The following HSD17B1 variants were observed in gnomAD, a reference collection of about 807,000 sequenced individuals.
HSD17B1 encodes hydroxysteroid 17-beta dehydrogenase 1.
In HSD17B1, 16 loss-of-function variants were observed where a neutral mutation model predicts 22.7. The ratio of observed to expected loss-of-function variants is 0.71; its 90% CI spans 0.48 to 1.07. The LOEUF (loss-of-function observed/expected upper bound fraction) is 1.07, where lower values mean the gene tolerates loss of function less well. HSD17B1 is among the 50% of genes least tolerant of loss of function. The pLI is 0.00. For synonymous variants in HSD17B1, 243 were observed against 211.0 expected (o/e 1.15, Z -1.31); for missense variants, 533 against 459.9 (o/e 1.16, Z -1.45).
rs200100050 is a variant in HSD17B1, at chr17:42,553,749, A to T, written c.446-45A>T. Reference sequence around the variant, plus strand: ...GAGGGGCACCGTCTGCCCGGGGATGACCCCCTGGCCGCTGCGCCTCAGGAA... The same window carrying T: ...GAGGGGCACCGTCTGCCCGGGGATGTCCCCCTGGCCGCTGCGCCTCAGGAA... On this transcript the variant is annotated intron_variant, in intron 3 of 5. Transcript: ENST00000585807. 267 of 1,601,684 alleles carry T rather than the reference A, an allele frequency of 1.7e-4. 1 individual carries two copies. The East Asian group carries it at 5.4e-3, about 32-fold the overall frequency.
chr17:42,553,184 T>C lies in HSD17B1; in HGVS notation c.158T>C (p.Leu53Pro). 1 of 1,613,698 alleles carries C rather than the reference T, an allele frequency of 6.2e-7. No homozygotes were observed. The highest frequency in any genetic ancestry group is 8.5e-7 in the Non-Finnish European group (1 of 1,179,962). ...QGRLWEAARA[L>P]ACPPGSLETL... ...CGGCTGTGGGAGGCGGCCCGGGCCC[T>C]GGCATGCCCTCCGGGATCCCTGGAG... The change falls in exon 2 of 6, where the codon CTG (leucine) becomes CCG (proline). Residue 53 changes from leucine (L) to proline (P), a missense_variant. Physicochemically the swap from Leu to Pro is moderately conservative, Grantham distance 98. Transcript: ENST00000585807.
In HSD17B1 at chr17:42,554,839, C is replaced by G; in HGVS notation, c.888C>G (p.Ala296=). The G allele has an allele frequency of 1.3e-6, 2 of 1,593,342 alleles. No homozygotes were observed. The highest frequency in any genetic ancestry group is 1.7e-5 in the Admixed American group (1 of 59,072). ...TTCCGGCAAAGGCCGAGGCTGGGGC[C>G]GAGGCTGGGGGCGGGGCCGGGCCTG... ...GDVPAKAEAG[A]EAGGGAGPGA... Residue 296 remains alanine, a synonymous_variant, in exon 6 of 6, where the codon GCC becomes GCG. Coordinates refer to ENST00000585807, the MANE Select transcript of HSD17B1 (RefSeq NM_000413.4).
intron 3 of HSD17B1, 23 bp downstream of exon 3, chr17:42,553,641 G>A (rs1188906901): frequency 1.9e-6 from 3 of 1,598,718 alleles, no homozygotes; most frequent in Admixed American, 1.7e-5. Flanking sequence ...GAGTGGCCTC[G>A]GCAGCTCCAG....
rs570540113 is a variant in HSD17B1 at position 42,554,508 on chromosome 17, C to A, written c.643C>A (p.Arg215Ser). 153 of 1,614,006 alleles carry A rather than the reference C, an allele frequency of 9.5e-5. 2 individuals are homozygous for A. Among genetic ancestry groups the A allele is most frequent in the South Asian group, 4.9e-4 (45 of 91,072 alleles). ...CCGCACGGACATCCACACCTTCCAC[C>A]GCTTCTACCAATACCTCGCCCACAG... is the stretch of plus-strand genomic sequence containing the variant. ...LDRTDIHTFHRFYQYLAHSKQ... is the reference protein window; with the variant it reads ...LDRTDIHTFHSFYQYLAHSKQ... The change falls in exon 5 of 6, where the codon CGC becomes AGC. Residue 215 changes from arginine (R) to serine (S), a missense_variant. Coordinates refer to ENST00000585807, the MANE Select transcript of HSD17B1 (RefSeq NM_000413.4).
rs753438269 is a variant in HSD17B1, at chr17:42,552,963, C to T, written c.30C>T (p.Gly10=). Residue 10 remains glycine (G), a synonymous_variant, in exon 1 of 6, where the codon GGC becomes GGT. Coordinates refer to ENST00000585807, the MANE Select transcript of HSD17B1 (RefSeq NM_000413.4). The part of the protein sequence containing the change: MARTVVLIT[G]CSSGIGLHLA... ...CCCGCACCGTGGTGCTCATCACCGG[C>T]TGTTCCTCGGGCATCGGCCTGCACT... 1.9e-6 allele frequency: 3 copies of T among 1,614,042 alleles called. No homozygotes were observed. Among genetic ancestry groups the T allele is most frequent in the Non-Finnish European group, 2.5e-6 (3 of 1,180,034 alleles).
At position 42,553,553 on chromosome 17, in the gene HSD17B1, T is replaced by C. The variant is rs1391091600; in HGVS notation, c.380T>C (p.Leu127Pro). Residue 127 changes from leucine (L) to proline (P), a missense_variant, in exon 3 of 6, where the codon CTG becomes CCG. Leu to Pro is a moderately conservative substitution (Grantham distance 98). Coordinates refer to ENST00000585807, the MANE Select transcript of HSD17B1 (RefSeq NM_000413.4). ...VGTVRMLQAF[L>P]PDMKRRGSGR... The stretch of plus-strand genomic sequence containing the variant: ...ACTGTGCGGATGCTGCAGGCCTTCC[T>C]GCCAGACATGAAGAGGCGCGGTTCG... 6.2e-7 allele frequency: 1 copy of C among 1,613,752 alleles called. No individual in the cohort carries two copies. Among genetic ancestry groups the C allele is most frequent in the Non-Finnish European group, 8.5e-7 (1 of 1,179,902 alleles).
chr17:42,553,513 G>C lies in HSD17B1; in HGVS notation c.340G>C (p.Val114Leu). ...GGACGCCGTGGCCTCTGTGCTGGACGTGAATGTAGTAGGGACTGTGCGGAT... is the reference window on the plus strand; with the variant it reads ...GGACGCCGTGGCCTCTGTGCTGGACCTGAATGTAGTAGGGACTGTGCGGAT... The part of the protein sequence containing the change: ...GEDAVASVLD[V>L]NVVGTVRMLQ... The change falls in exon 3 of 6, where the codon GTG becomes CTG. Residue 114 changes from valine (V) to leucine (L), a missense_variant. Coordinates refer to ENST00000585807, the MANE Select transcript of HSD17B1 (RefSeq NM_000413.4). The C allele has an allele frequency of 1.2e-6, 2 of 1,614,044 alleles. No homozygotes were observed. Among genetic ancestry groups the C allele is most frequent in the South Asian group, 1.1e-5 (1 of 91,088 alleles).
intron 4 of HSD17B1, 71 bp from the exon 5 acceptor site, chr17:42,554,334 C>T (rs2092955121): frequency 1.3e-6 from 2 of 1,493,836 alleles, no homozygotes; most frequent in Non-Finnish European, 8.9e-7. Flanking sequence ...GGGGCTGGGA[C>T]TGGGGTTGGG....
In HSD17B1 at chr17:42,554,437, C is replaced by T. The variant is rs138503851; in HGVS notation, c.572C>T (p.Thr191Ile). 5.3e-4 allele frequency: 861 copies of T among 1,612,788 alleles called. 2 individuals carry two copies. Among genetic ancestry groups the T allele is most frequent in the Middle Eastern group, 2.5e-3 (15 of 6,058 alleles). ...CTGATCGAGTGCGGCCCAGTGCACA[C>T]CGCCTTCATGGAGAAGGTGTTGGGC... ...LSLIECGPVH[T>I]AFMEKVLGSP... The change falls in exon 5 of 6, where the codon ACC becomes ATC. Residue 191 changes from threonine to isoleucine, a missense_variant. Coordinates refer to ENST00000585807, the MANE Select transcript of HSD17B1 (RefSeq NM_000413.4).
Position 42,554,610 on chromosome 17 carries a change from G to T in HSD17B1, c.717+28G>T, listed in dbSNP as rs374111764. 1.1e-4 allele frequency: 177 copies of T among 1,608,900 alleles called. No individual in the cohort carries two copies. In the Middle Eastern group the frequency reaches 2.0e-3, roughly 18 times the overall value. ...GAGCGCCGGGCTGGACTCCAGGAGTGGGGGCGGTGCGTCCTCCGGCGCGCA... is the reference window on the plus strand; with the variant it reads ...GAGCGCCGGGCTGGACTCCAGGAGTTGGGGCGGTGCGTCCTCCGGCGCGCA... On this transcript the variant is annotated intron_variant, in intron 5 of 5. Transcript: ENST00000585807.
At position 42,554,551 on chromosome 17, in the gene HSD17B1, A is replaced by T; in HGVS notation, c.686A>T (p.Glu229Val). Residue 229 changes from glutamate (E) to valine (V), a missense_variant, in exon 5 of 6, where the codon GAG (glutamate) becomes GTG (valine). By Grantham distance (121) the Glu-to-Val change is moderately radical (BLOSUM62 -2). Coordinates refer to ENST00000585807, the MANE Select transcript of HSD17B1 (RefSeq NM_000413.4). ...YLAHSKQVFR[E>V]AAQNPEEVAE... Reference sequence around the variant, plus strand: ...GCCCACAGCAAGCAAGTCTTTCGCGAGGCGGCGCAGAACCCTGAGGAGGTG... The same window carrying T: ...GCCCACAGCAAGCAAGTCTTTCGCGTGGCGGCGCAGAACCCTGAGGAGGTG... The T allele has an allele frequency of 6.2e-7, 1 of 1,613,944 alleles. No individual in the cohort carries two copies. The highest frequency in any genetic ancestry group is 8.5e-7 in the Non-Finnish European group (1 of 1,179,912).
chr17:42,553,779 G>C lies in HSD17B1; in HGVS notation c.446-15G>C. On this transcript the variant is annotated splice_polypyrimidine_tract_variant and intron_variant, in intron 3 of 5. Coordinates refer to ENST00000585807, the MANE Select transcript of HSD17B1 (RefSeq NM_000413.4). ...CTGGCCGCTGCGCCTCAGGAACCTC[G>C]TCTCCCCACCTAAGGGCTGCCTTTC... The C allele has an allele frequency of 6.2e-7, 1 of 1,611,848 alleles. No homozygotes were observed. Among genetic ancestry groups the C allele is most frequent in the Non-Finnish European group, 8.5e-7 (1 of 1,178,778 alleles).
rs768000237 is a variant in HSD17B1 at position 42,553,285 on chromosome 17, G to T, written c.259G>T (p.Val87Leu). The change falls in exon 2 of 6, where the codon GTG becomes TTG. Residue 87 changes from valine (V) to leucine (L), a missense_variant. By Grantham distance (32) the Val-to-Leu change is conservative (BLOSUM62 1). Transcript: ENST00000585807. ...ACGCGTGACTGAGGGCCGCGTGGAC[G>T]TGCTGGGTGAGCCTCCTGGAAGCAT... ...RERVTEGRVD[V>L]LVCNAGLGLL... 159 of 1,607,808 alleles carry T rather than the reference G, an allele frequency of 9.9e-5. No individual in the cohort carries two copies. The highest frequency in any genetic ancestry group is 1.3e-4 in the Non-Finnish European group (155 of 1,179,840).
chr17:42,554,290 G>A (rs2092954883), intron 4 of HSD17B1, 115 bp from the exon 5 acceptor site: 1 of 1,378,074 alleles, frequency 7.3e-7, no homozygotes, highest in South Asian at 1.4e-5. Context: ...CCAGCGCAGC[G>A]GTGCTGCTCG....
rs1270420295 is a variant in HSD17B1 at position 42,554,965 on chromosome 17, G to T, written c.*27G>T. 3 of 1,444,510 alleles carry T rather than the reference G, an allele frequency of 2.1e-6. No homozygotes were observed. In the African/African-American group the frequency reaches 4.4e-5, roughly 21 times the overall value. 89.5% of individuals were successfully genotyped at this position (1,444,510 alleles called of 1,614,324 possible). A position where few individuals can be genotyped will look rare whatever the true frequency, so the allele number is the denominator to read the frequency against. On this transcript the variant is annotated 3_prime_UTR_variant, in exon 6 of 6. Transcript: ENST00000585807. The stretch of plus-strand genomic sequence containing the variant: ...GGCTTCCTCAGCCGCTGTCTCCCGC[G>T]CCCTTCTTTGTCCCCTGGGTCTGTG...
At position 42,554,725 on chromosome 17, in the gene HSD17B1, G is replaced by T; in HGVS notation, c.774G>T (p.Glu258Asp). The change falls in exon 6 of 6, where the codon GAG becomes GAT. Residue 258 changes from glutamate to aspartate, a missense_variant. Transcript: ENST00000585807. Reference sequence around the variant, plus strand: ...CGACCCTGCGCTACTTCACCACCGAGCGCTTCCTGCCCCTGCTGCGGATGC... The same window carrying T: ...CGACCCTGCGCTACTTCACCACCGATCGCTTCCTGCCCCTGCTGCGGATGC... ...PKPTLRYFTT[E>D]RFLPLLRMRL... is the part of the protein sequence containing the mutation. The T allele has an allele frequency of 6.2e-7, 1 of 1,603,636 alleles. No homozygotes were observed.
In HSD17B1 at chr17:42,555,091, C is replaced by A; in HGVS notation, c.*153C>A. The A allele has an allele frequency of 7.4e-7, 1 of 1,355,842 alleles. No homozygotes were observed. Among genetic ancestry groups the A allele is most frequent in the Non-Finnish European group, 9.5e-7 (1 of 1,056,258 alleles). 84.0% of individuals were successfully genotyped at this position (1,355,842 alleles called of 1,614,324 possible). A position where few individuals can be genotyped will look rare whatever the true frequency, so the allele number is the denominator to read the frequency against. ...GCGCAGCTAGGCGCGATGGCTGTCG[C>A]CTGTAATGCCAGCGCTTTGGGAGGC... On this transcript the variant is annotated 3_prime_UTR_variant, in exon 6 of 6. Transcript: ENST00000585807.
rs1221459759 is a variant in HSD17B1 at position 42,553,147 on chromosome 17, A to AAAAC, written c.123_126dup (p.Gln43AsnfsTer41). ...AGTGTATGCCACGTTGAGGGACCTG[A>AAAAC]AAACACAGGGCCGGCTGTGGGAGGC... On this transcript the variant is annotated frameshift_variant, in exon 2 of 6. Coordinates refer to ENST00000585807, the MANE Select transcript of HSD17B1 (RefSeq NM_000413.4). LOFTEE classifies it high-confidence loss of function. The AAAAC allele has an allele frequency of 6.2e-7, 1 of 1,613,840 alleles. No homozygotes were observed. The highest frequency in any genetic ancestry group is 8.5e-7 in the Non-Finnish European group (1 of 1,179,974).
At position 42,553,172 on chromosome 17, in the gene HSD17B1, C is replaced by T. The variant is rs765000099; in HGVS notation, c.146C>T (p.Ala49Val). ...AAAACACAGGGCCGGCTGTGGGAGG[C>T]GGCCCGGGCCCTGGCATGCCCTCCG... Reference protein sequence around the residue: ...DLKTQGRLWEAARALACPPGS... With the variant: ...DLKTQGRLWEVARALACPPGS... Residue 49 changes from alanine (A) to valine (V), a missense_variant, in exon 2 of 6, where the codon GCG becomes GTG. Coordinates refer to ENST00000585807, the MANE Select transcript of HSD17B1 (RefSeq NM_000413.4). 9.3e-6 allele frequency: 15 copies of T among 1,613,500 alleles called. No homozygotes were observed. In the Admixed American group the frequency reaches 1.3e-4, roughly 14 times the overall value.
Sources: allele counts gnomAD v4.1 joint callset, GRCh38; gene constraint gnomAD v4.1.1; transcripts MANE v1.5; gene names NCBI Gene and HGNC (gene_info 2026-07-23, HGNC 2026-07-21).